NR4A2: variants seen among roughly 807,000 people sequenced by gnomAD.
NR4A2 encodes the protein NGFI-B/nur77 beta-type transcription factor homolog.
Under a neutral mutation model 50.5 loss-of-function variants are expected in NR4A2, and 1 was observed. The ratio of observed to expected loss-of-function variants is 0.02; its 90% CI spans 0.01 to 0.09. The LOEUF (loss-of-function observed/expected upper bound fraction) is 0.09, where lower values mean the gene tolerates loss of function less well. Ranked by LOEUF, NR4A2 falls within the 10% of genes least tolerant of loss-of-function variation. The pLI is 1.00. For synonymous variants in NR4A2, 328 were observed against 309.4 expected (o/e 1.06, Z -0.63); for missense variants, 613 against 777.3 (o/e 0.79, Z 2.51).
chr2:156,330,261 T>C lies in NR4A2; in HGVS notation c.-2-73A>G, dbSNP rs1686864162. 2.5e-6 allele frequency: 4 copies of C among 1,570,494 alleles called. No individual in the cohort carries two copies. In the South Asian group the frequency reaches 3.4e-5, roughly 13 times the overall value. ...ACTTTCTCCCGGGCTCGGGTACACC[T>C]GGAGCTACACCGGCAGCCCGCGGCA... On this transcript the variant is annotated intron_variant, in intron 2 of 7. Transcript: ENST00000339562.
intron 5 of NR4A2, among the ~76,000 whole-genome samples, chr2:156,327,501 G>C (rs1231260919): frequency 6.6e-6 from 1 of 152,196 alleles, no homozygotes; most frequent in Non-Finnish European, 1.5e-5. Flanking sequence ...GAATAAAGTA[G>C]ATTGGGAAGG....
Position 156,326,134 on chromosome 2 carries a change from C to G in NR4A2, c.1540+16G>C. The G allele has an allele frequency of 6.2e-7, 1 of 1,614,074 alleles. No individual in the cohort carries two copies. The highest frequency in any genetic ancestry group is 8.5e-7 in the Non-Finnish European group (1 of 1,179,938). ...GCAGTTCTGGAGGGGAAGCGCCCTG[C>G]GCCTGCAGTACTGACCTGTGACCAT... On this transcript the variant is annotated intron_variant, in intron 7 of 7. Transcript: ENST00000339562. The surrounding 1 kb of genome is among the most constrained non-coding windows in gnomAD (Gnocchi z 4.2).
At chr2:156,327,816 T>C (rs369081956) in intron 5 of NR4A2, 35 bp downstream of exon 5, 42 of 1,557,028 alleles carry the variant, frequency 2.7e-5, no homozygotes, top group Non-Finnish European at 3.5e-5. Context: ...ATCTGTCGGT[T>C]TGTCCACATG....
intron 5 of NR4A2, among the ~76,000 whole-genome samples, chr2:156,327,234 G>A (rs1022323884): frequency 6.6e-6 from 1 of 152,070 alleles, no homozygotes; most frequent in South Asian, 2.1e-4. Flanking sequence ...AGTGGGCCTC[G>A]AGCTGAGACG....
Position 156,326,204 on chromosome 2 carries a change from T to C in NR4A2, c.1486A>G (p.Met496Val), listed in dbSNP as rs747098947. 6.2e-7 allele frequency: 1 copy of C among 1,614,212 alleles called. No individual in the cohort carries two copies. The change falls in exon 7 of 8, where the codon ATG becomes GTG. Residue 496 changes from methionine to valine, a missense_variant. Coordinates refer to ENST00000339562, the MANE Select transcript of NR4A2 (RefSeq NM_006186.4). This position sits in a 1 kb window ranked among gnomAD's most constrained non-coding sequence, Gnocchi z 4.2. ...IVEFSSNLQNMNIDISAFSCI... is the reference protein window; with the variant it reads ...IVEFSSNLQNVNIDISAFSCI... ...GAGAAGGCAGAAATGTCGATGTTCA[T>C]ATTCTGCAAGTTGGAGGAGAATTCA...
In NR4A2 at chr2:156,325,808, A is replaced by C; in HGVS notation, c.1733T>G (p.Leu578Trp). 6.2e-7 allele frequency: 1 copy of C among 1,614,202 alleles called. No individual in the cohort carries two copies. ...TGCTGGCGGTGGCACCAAGTCTTCC[A>C]ATTTCAGGTAGAAAATGCGCTGTAG... Reference protein sequence around the residue: ...QGLQRIFYLKLEDLVPPPAII... With the variant: ...QGLQRIFYLKWEDLVPPPAII... Residue 578 changes from leucine (L) to tryptophan (W), a missense_variant, in exon 8 of 8, where the codon TTG becomes TGG. Transcript: ENST00000339562.
Position 156,326,402 on chromosome 2 carries a change from G to T in NR4A2, c.1362-74C>A. The T allele has an allele frequency of 7.4e-7, 1 of 1,355,204 alleles. No individual in the cohort carries two copies. The highest frequency in any genetic ancestry group is 1.2e-5 in the South Asian group (1 of 85,192). The allele number at this position is 1,355,204 out of a possible 1,614,324, so 83.9% of individuals were successfully genotyped here. A position where few individuals can be genotyped will look rare whatever the true frequency, so the allele number is the denominator to read the frequency against. ...AGCTAAACAACTAATTACTTGAAGAGCAATAAATGAGGGATTTAAGAGTCA... is the reference window on the plus strand; with the variant it reads ...AGCTAAACAACTAATTACTTGAAGATCAATAAATGAGGGATTTAAGAGTCA... On this transcript the variant is annotated intron_variant, in intron 6 of 7. Coordinates refer to ENST00000339562, the MANE Select transcript of NR4A2 (RefSeq NM_006186.4). This position sits in a 1 kb window ranked among gnomAD's most constrained non-coding sequence, Gnocchi z 4.2.
rs1686812031 is a variant in NR4A2, at chr2:156,329,499, T to C, written c.688A>G (p.Met230Val). The C allele has an allele frequency of 1.2e-6, 2 of 1,605,394 alleles. No individual in the cohort carries two copies. Among genetic ancestry groups the C allele is most frequent in the African/African-American group, 1.3e-5 (1 of 74,830 alleles). Residue 230 changes from methionine (M) to valine (V), a missense_variant, in exon 3 of 8, where the codon ATG becomes GTG. Transcript: ENST00000339562. This position sits in a 1 kb window ranked among gnomAD's most constrained non-coding sequence, Gnocchi z 7.5. ...VPNPIRKPASMGFPGLQIGHA... is the reference protein window; with the variant it reads ...VPNPIRKPASVGFPGLQIGHA... ...CCGATCTGCAGGCCCGGGAAGCCCA[T>C]GGACGCGGGCTTGCGAATGGGGTTG...
chr2:156,326,157 C>T lies in NR4A2; in HGVS notation c.1533G>A (p.Met511Ile). ...SAFSCIAALAMVTERHGLKEP... is the reference protein window; with the variant it reads ...SAFSCIAALAIVTERHGLKEP... ...TGCGCCTGCAGTACTGACCTGTGAC[C>T]ATAGCCAGGGCAGCAATGCAGGAGA... The change falls in exon 7 of 8, where the codon ATG becomes ATA. Residue 511 changes from methionine to isoleucine, a missense_variant. Physicochemically the swap from Met to Ile is conservative, Grantham distance 10. Around this residue, in one of 4 missense-constraint regions of NR4A2, gnomAD observed 250 missense variants for 311.3 expected, o/e 0.80. Coordinates refer to ENST00000339562, the MANE Select transcript of NR4A2 (RefSeq NM_006186.4). This position sits in a 1 kb window ranked among gnomAD's most constrained non-coding sequence, Gnocchi z 4.2. 6.2e-7 allele frequency: 1 copy of T among 1,614,208 alleles called. No individual in the cohort carries two copies. Among genetic ancestry groups the T allele is most frequent in the Admixed American group, 1.7e-5 (1 of 60,026 alleles).
chr2:156,329,097 G>C lies in NR4A2; in HGVS notation c.864+226C>G, dbSNP rs1485362108. 6.6e-6 allele frequency among the ~76,000 whole-genome samples: 1 copy of C among 152,204 alleles called. No homozygotes were observed. Among genetic ancestry groups the C allele is most frequent in the Non-Finnish European group, 1.5e-5 (1 of 68,032 alleles). ...CAGCCGGGTCGGCTGAATGCGAGGG[G>C]GATGCGACCCTGGCCTCCCAGTCTT... On this transcript the variant is annotated intron_variant, in intron 3 of 7. Transcript: ENST00000339562. The surrounding 1 kb of genome is among the most constrained non-coding windows in gnomAD (Gnocchi z 7.5).
Position 156,325,774 on chromosome 2 carries a change from G to A in NR4A2, c.1767C>T (p.Asp589=). ...EDLVPPPAII[D]KLFLDTLPF ...AAGGTAAAGTGTCCAGGAAAAGTTT[G>A]TCAATTATTGCTGGCGGTGGCACCA... Residue 589 remains aspartate, a synonymous_variant, in exon 8 of 8, where the codon GAC becomes GAT. Coordinates refer to ENST00000339562, the MANE Select transcript of NR4A2 (RefSeq NM_006186.4). The A allele has an allele frequency of 6.2e-7, 1 of 1,614,164 alleles. No homozygotes were observed. The highest frequency in any genetic ancestry group is 8.5e-7 in the Non-Finnish European group (1 of 1,180,038).
rs749000269 is a variant in NR4A2 at position 156,327,962 on chromosome 2, C to G, written c.1047G>C (p.Pro349=). The G allele has an allele frequency of 5.5e-5, 88 of 1,601,208 alleles. No individual in the cohort carries two copies. Among genetic ancestry groups the G allele is most frequent in the Non-Finnish European group, 7.1e-5 (83 of 1,173,080 alleles). The change falls in exon 5 of 8, where the codon CCG becomes CCC. Residue 349 remains proline (P), a synonymous_variant. Transcript: ENST00000339562. Reference sequence around the variant, plus strand: ...GGGGAGAGGGCTCCTGTGGGCTCTTCGGTTTCGAGGGCAAACGACCTCTCC... The same window carrying G: ...GGGGAGAGGGCTCCTGTGGGCTCTTGGGTTTCGAGGGCAAACGACCTCTCC... ...KGRRGRLPSK[P]KSPQEPSPPS... is the part of the protein sequence containing the mutation.
intron 1 of NR4A2, 50 bp downstream of exon 1, chr2:156,332,430 G>C (rs1419461657): frequency 1.0e-5 from 13 of 1,270,882 alleles, no homozygotes; most frequent in Non-Finnish European, 1.2e-5. Flanking sequence ...ACGTGCAAAA[G>C]AAGGAAAAAG....
Position 156,326,474 on chromosome 2 carries a change from AG to A in NR4A2, c.1362-147del. ...AAAATGTAGACCAGTGGACCTTGAA[AG>A]GGTTTAATTTCATAACAATCAAGAA... On this transcript the variant is annotated intron_variant, in intron 6 of 7. Coordinates refer to ENST00000339562, the MANE Select transcript of NR4A2 (RefSeq NM_006186.4). This position sits in a 1 kb window ranked among gnomAD's most constrained non-coding sequence, Gnocchi z 4.2. The A allele has an allele frequency of 1.1e-6, 1 of 907,942 alleles. No homozygotes were observed. 56.2% of individuals were successfully genotyped at this position (907,942 alleles called of 1,614,324 possible).
Position 156,330,680 on chromosome 2 carries a change from T to C in NR4A2, c.-15A>G, listed in dbSNP as rs1425558347. On this transcript the variant is annotated 5_prime_UTR_variant, in exon 2 of 8. Coordinates refer to ENST00000339562, the MANE Select transcript of NR4A2 (RefSeq NM_006186.4). Reference sequence around the variant, plus strand: ...AAGTTGCACTAACCTTCAGCCGAGTTACAGGCGTTTTCGAGGAAATTAAAG... The same window carrying C: ...AAGTTGCACTAACCTTCAGCCGAGTCACAGGCGTTTTCGAGGAAATTAAAG... 2 of 1,271,590 alleles carry C rather than the reference T, an allele frequency of 1.6e-6. No individual in the cohort carries two copies. The highest frequency in any genetic ancestry group is 3.0e-5 in the African/African-American group (2 of 65,706). The allele number at this position is 1,271,590 out of a possible 1,614,324, so 78.8% of individuals were successfully genotyped here.
Position 156,329,892 on chromosome 2 carries a change from T to C in NR4A2, c.295A>G (p.Asn99Asp), listed in dbSNP as rs752823379. The stretch of plus-strand genomic sequence containing the variant: ...GGCAGGTGGCTGTGTTGCTGGTAGT[T>C]GTGCATCTGAATGTCTTCTACCTTA... ...SIKVEDIQMHNYQQHSHLPPQ... is the reference protein window; with the variant it reads ...SIKVEDIQMHDYQQHSHLPPQ... Residue 99 changes from asparagine (N) to aspartate (D), a missense_variant, in exon 3 of 8, where the codon AAC becomes GAC. Around this residue, in one of 4 missense-constraint regions of NR4A2, gnomAD observed 275 missense variants for 248.9 expected, o/e 1.10. Coordinates refer to ENST00000339562, the MANE Select transcript of NR4A2 (RefSeq NM_006186.4). This position sits in a 1 kb window ranked among gnomAD's most constrained non-coding sequence, Gnocchi z 7.5. 2 of 1,614,088 alleles carry C rather than the reference T, an allele frequency of 1.2e-6. No homozygotes were observed. Among genetic ancestry groups the C allele is most frequent in the East Asian group, 4.5e-5 (2 of 44,872 alleles).
rs756924048 is a variant in NR4A2, at chr2:156,328,388, G to C, written c.994+16C>G. On this transcript the variant is annotated intron_variant, in intron 4 of 7. Transcript: ENST00000339562. The surrounding 1 kb of genome is among the most constrained non-coding windows in gnomAD (Gnocchi z 4.9). ...AAAGGCGCAAACTGGAGGGTCGGCA[G>C]CTCCCCTCAGCCTACCTTCTTTGAC... 2 of 1,614,012 alleles carry C rather than the reference G, an allele frequency of 1.2e-6. No individual in the cohort carries two copies. Among genetic ancestry groups the C allele is most frequent in the East Asian group, 2.2e-5 (1 of 44,900 alleles).
At position 156,328,026 on chromosome 2, in the gene NR4A2, G is replaced by C; in HGVS notation, c.995-12C>G. On this transcript the variant is annotated splice_polypyrimidine_tract_variant and intron_variant, in intron 4 of 7. Coordinates refer to ENST00000339562, the MANE Select transcript of NR4A2 (RefSeq NM_006186.4). The surrounding 1 kb of genome is among the most constrained non-coding windows in gnomAD (Gnocchi z 4.9). Reference sequence around the variant, plus strand: ...GTCTGTGCGAACCACTGCAAAGGAAGAGCCCTGTTAGCGCCGCTTTTCCGA... The same window carrying C: ...GTCTGTGCGAACCACTGCAAAGGAACAGCCCTGTTAGCGCCGCTTTTCCGA... 6.2e-7 allele frequency: 1 copy of C among 1,602,806 alleles called. No homozygotes were observed. The highest frequency in any genetic ancestry group is 8.5e-7 in the Non-Finnish European group (1 of 1,174,120).
chr2:156,329,750 G>C lies in NR4A2; in HGVS notation c.437C>G (p.Pro146Arg). Residue 146 changes from proline to arginine, a missense_variant, in exon 3 of 8, where the codon CCG becomes CGG. By Grantham distance (103) the Pro-to-Arg change is moderately radical. This residue lies in a region of NR4A2 where 275 missense variants were observed against 248.9 expected (regional missense o/e 1.10). Transcript: ENST00000339562. This position sits in a 1 kb window ranked among gnomAD's most constrained non-coding sequence, Gnocchi z 7.5. ...CTGGTGGAAGTTGTGGAGAGATCCC[G>C]GGTCGTCCCACATGGGGCTGTGCTG... ...QVQHSPMWDD[P>R]GSLHNFHQNY... 1 of 1,613,672 alleles carries C rather than the reference G, an allele frequency of 6.2e-7. No individual in the cohort carries two copies. The highest frequency in any genetic ancestry group is 8.5e-7 in the Non-Finnish European group (1 of 1,179,654).
Sources: allele counts gnomAD v4.1 joint callset (sites outside exome capture counted in the v4.1 genomes callset), GRCh38; gene constraint gnomAD v4.1.1; regional missense constraint gnomAD v4.1.1; non-coding constraint Gnocchi (gnomAD v3.1); transcripts MANE v1.5; gene names NCBI Gene and HGNC (gene_info 2026-07-23, HGNC 2026-07-21).